Variants in RUFY1 observed in about 807,000 individuals in gnomAD.
RUFY1 encodes the protein RUN and FYVE domain containing 1.
Under a neutral mutation model 94.6 loss-of-function variants are expected in RUFY1, and 54 were observed. That is an observed-to-expected ratio of 0.57 (90% CI 0.46 to 0.72). RUFY1 has a LOEUF of 0.72. Among genes scored for constraint, RUFY1 ranks in the 30% least tolerant of loss-of-function variants. The pLI, the probability that RUFY1 is intolerant of heterozygous loss-of-function variation, is 0.00. For synonymous variants in RUFY1, 396 were observed against 347.3 expected (o/e 1.14, Z -1.56); for missense variants, 883 against 883.9 (o/e 1.00, Z 0.01).
In RUFY1 at chr5:179,577,076, T is replaced by C. The variant is rs771593020; in HGVS notation, c.830T>C (p.Val277Ala). The C allele has an allele frequency of 6.3e-7, 1 of 1,596,814 alleles. No homozygotes were observed. The highest frequency in any genetic ancestry group is 8.6e-7 in the Non-Finnish European group (1 of 1,164,958). The stretch of plus-strand genomic sequence containing the variant: ...ACTTGTGCATTTTATTTCGTTTAGG[T>C]TGGAGTAATAGATTTTTCCCTCTAC... The part of the protein sequence containing the change: ...CLKGEDLDSQ[V>A]GVIDFSLYLK... The change falls in exon 6 of 18, where the codon GTT becomes GCT. Residue 277 changes from valine (V) to alanine (A), a missense_variant and splice_region_variant. Physicochemically the swap from Val to Ala is moderately conservative, Grantham distance 64 (BLOSUM62 0). Transcript: ENST00000319449.
chr5:179,572,616 T>A, intron 5 of RUFY1: 1 of 217,596 alleles, frequency 4.6e-6, no homozygotes, highest in East Asian at 1.3e-4. Flanking sequence ...GATGAGGCTC[T>A]GCAGCTGGTC....
rs1381204157 is a variant in RUFY1, at chr5:179,585,808, G to T, written c.969G>T (p.Gly323=). ...ELNRHLSCTV[G]DLQTKIDGLE... The stretch of plus-strand genomic sequence containing the variant: ...TTATTTTCTACAGCTGCACAGTTGG[G>T]GATCTTCAAACCAAGATAGATGGCT... Residue 323 remains glycine (G), a synonymous_variant, in exon 8 of 18, where the codon GGG becomes GGT. Coordinates refer to ENST00000319449, the MANE Select transcript of RUFY1 (RefSeq NM_025158.5). The T allele has an allele frequency of 6.2e-7, 1 of 1,612,226 alleles. No homozygotes were observed. The highest frequency in any genetic ancestry group is 8.5e-7 in the Non-Finnish European group (1 of 1,178,324).
rs188060061 is a variant in RUFY1, at chr5:179,602,924, C to T, written c.1856+938C>T. Among the ~76,000 whole-genome samples, 82 of 152,332 alleles carry T rather than the reference C, an allele frequency of 5.4e-4. No individual in the cohort carries two copies. The East Asian group carries it at 7.7e-3, about 14-fold the overall frequency. ...ACCATGACCAAGGAGATGGGGCTCA[C>T]GACCTCAGCACAGCCTGGTCTGCAC... On this transcript the variant is annotated intron_variant, in intron 15 of 17. Transcript: ENST00000319449.
chr5:179,609,319 G>A (rs887476279), intron 17 of RUFY1, 57 bp from the exon 18 acceptor site: 48 of 1,576,782 alleles, frequency 3.0e-5, no homozygotes, highest in Non-Finnish European at 4.0e-5. Flanking sequence ...AAGCAGGGAG[G>A]GTGTGCGGAT....
intron 13 of RUFY1, among the ~76,000 whole-genome samples, chr5:179,597,949 G>A (rs2127563859): frequency 6.6e-6 from 1 of 152,248 alleles, no homozygotes; most frequent in South Asian, 2.1e-4. Context: ...CAGCACTTTT[G>A]GGAGGCCGAG....
Position 179,584,273 on chromosome 5 carries a change from C to G in RUFY1, c.957-1523C>G, listed in dbSNP as rs964888898. 2.0e-5 allele frequency among the ~76,000 whole-genome samples: 3 copies of G among 152,170 alleles called. No homozygotes were observed. In the East Asian group the frequency reaches 5.8e-4, roughly 29 times the overall value. On this transcript the variant is annotated intron_variant, in intron 7 of 17. Transcript: ENST00000319449. ...TTCTTTGTCCCCCACTCACTGGCAACAGGGACTGGTCTTTGGCAGCATGAC... is the reference window on the plus strand; with the variant it reads ...TTCTTTGTCCCCCACTCACTGGCAAGAGGGACTGGTCTTTGGCAGCATGAC...
At chr5:179,591,914 A>G (rs555725856) in intron 10 of RUFY1, among the ~76,000 whole-genome samples, 173 bp downstream of exon 10, 3 of 152,170 alleles carry the variant, frequency 2.0e-5, no homozygotes, top group East Asian at 3.9e-4. Flanking sequence ...ATTGTCACTC[A>G]TATTTTTTCC....
intron 9 of RUFY1, among the ~76,000 whole-genome samples, chr5:179,589,959 C>T (rs1454304120): frequency 6.6e-6 from 1 of 152,206 alleles, no homozygotes; most frequent in African/African-American, 2.4e-5. Context: ...GGCCATCCTC[C>T]TGTATTCCCA....
intron 8 of RUFY1, chr5:179,586,416 A>C (rs1225728524): frequency 2.2e-6 from 1 of 456,642 alleles, no homozygotes; most frequent in Non-Finnish European, 4.4e-6. Flanking sequence ...TCCTTGCTGG[A>C]CACATCTTGT....
intron 15 of RUFY1, among the ~76,000 whole-genome samples, chr5:179,604,096 C>T (rs775524182): frequency 3.9e-5 from 6 of 152,142 alleles, no homozygotes; most frequent in South Asian, 2.1e-4. Context: ...ACTTTGTGGC[C>T]GCCTGGCACT....
intron 1 of RUFY1, among the ~76,000 whole-genome samples, chr5:179,557,575 C>T (rs768791289): frequency 1.3e-5 from 2 of 152,052 alleles, no homozygotes; most frequent in Non-Finnish European, 2.9e-5. Context: ...TACTTTTTGA[C>T]AAAAATACTT....
chr5:179,551,770 C>T (rs1448611359), intron 1 of RUFY1, among the ~76,000 whole-genome samples: 4 of 150,786 alleles, frequency 2.7e-5, no homozygotes, highest in Admixed American at 1.3e-4. Flanking sequence ...GCCTCGGCCT[C>T]GTAAAGTACT....
chr5:179,591,817 T>A (rs771214954), intron 10 of RUFY1, 76 bp downstream of exon 10: 5 of 879,052 alleles, frequency 5.7e-6, no homozygotes, highest in African/African-American at 1.7e-5. Context: ...TTCATAGACA[T>A]GCTTCACCAT....
intron 7 of RUFY1, among the ~76,000 whole-genome samples, chr5:179,585,449 C>T (rs1284419579): frequency 1.3e-5 from 2 of 151,956 alleles, no homozygotes; most frequent in South Asian, 2.1e-4. Flanking sequence ...TGCAGTGGCA[C>T]GCACCTGTAG....
intron 15 of RUFY1, among the ~76,000 whole-genome samples, chr5:179,605,300 A>G (rs546344423): frequency 6.7e-6 from 1 of 150,338 alleles, no homozygotes; most frequent in South Asian, 2.1e-4. Context: ...AAAAAGGATC[A>G]GACTGTTTCC....
At chr5:179,573,523 TG>T (rs1763381717) in intron 5 of RUFY1, among the ~76,000 whole-genome samples, 1 of 152,146 alleles carries the variant, frequency 6.6e-6, no homozygotes, top group Non-Finnish European at 1.5e-5. Context: ...GTTGTCGTTT[TG>T]TTTTTTTCTT....
rs534557094 is a variant in RUFY1, at chr5:179,576,978, G to A, written c.829-97G>A. On this transcript the variant is annotated intron_variant, in intron 5 of 17. Transcript: ENST00000319449. Reference sequence around the variant, plus strand: ...TGGCTGACCTAAATAAATGTTCATAGGAAAGAGATAAGAATGAAATACCTG... The same window carrying A: ...TGGCTGACCTAAATAAATGTTCATAAGAAAGAGATAAGAATGAAATACCTG... The A allele has an allele frequency of 4.3e-4, 376 of 876,180 alleles. 1 individual carries two copies. The East Asian group carries it at 8.9e-3, about 21-fold the overall frequency. The allele number at this position is 876,180 out of a possible 1,614,324, so 54.3% of individuals were successfully genotyped here.
chr5:179,558,529 G>A (rs1762222764), intron 1 of RUFY1, among the ~76,000 whole-genome samples: 1 of 149,994 alleles, frequency 6.7e-6, no homozygotes, highest in Admixed American at 6.7e-5. Context: ...CCGAGATGGC[G>A]CCATTGCACT....
intron 12 of RUFY1, 58 bp downstream of exon 12, chr5:179,595,021 G>A (rs1765479377): frequency 7.9e-7 from 1 of 1,259,760 alleles, no homozygotes; most frequent in Non-Finnish European, 1.1e-6. Flanking sequence ...CCCTGGGCCT[G>A]GAGACTTATT....
Sources: allele counts gnomAD v4.1 joint callset (sites outside exome capture counted in the v4.1 genomes callset), GRCh38; gene constraint gnomAD v4.1.1; transcripts MANE v1.5; gene names NCBI Gene and HGNC (gene_info 2026-07-23, HGNC 2026-07-21).